The following CSGALNACT1 variants were observed in gnomAD, a reference collection of about 807,000 sequenced individuals.
CSGALNACT1 encodes the protein beta4GalNAcT-1.
In CSGALNACT1, 52 loss-of-function variants were observed where a neutral mutation model predicts 51.0. The ratio of observed to expected loss-of-function variants is 1.02; its 90% confidence interval spans 0.82 to 1.29. CSGALNACT1 has a LOEUF of 1.29. CSGALNACT1 is among the 50% of genes most tolerant of loss of function. CSGALNACT1 has a pLI of 0.00. For missense variants in CSGALNACT1, 935 were observed against 679.2 expected, an observed-to-expected ratio of 1.38 and a Z score of -4.19; for synonymous variants, 341 against 254.4, an observed-to-expected ratio of 1.34 and a Z score of -3.24.
intron 4 of CSGALNACT1, among the ~76,000 whole-genome samples, chr8:19,478,270 C>A (rs1279297461): frequency 6.6e-6 from 1 of 151,868 alleles, no homozygotes; most frequent in South Asian, 2.1e-4. Flanking sequence ...AAAAATTGGC[C>A]GGGTGTGGTG....
chr8:19,592,549 T>G (rs185407189), intron 2 of CSGALNACT1, among the ~76,000 whole-genome samples: 1 of 152,284 alleles, frequency 6.6e-6, no homozygotes, highest in East Asian at 1.9e-4. Context: ...CCCAGGAGTT[T>G]GAGACCAGCG....
At chr8:19,669,938 C>A (rs1258515477) in intron 1 of CSGALNACT1, among the ~76,000 whole-genome samples, 1 of 152,194 alleles carries the variant, frequency 6.6e-6, no homozygotes, top group East Asian at 1.9e-4. Flanking sequence ...GTCCTGTGGA[C>A]AAACAACTCA....
At chr8:19,539,180 T>TTG (rs987022248) in intron 3 of CSGALNACT1, among the ~76,000 whole-genome samples, 1 of 151,714 alleles carries the variant, frequency 6.6e-6, no homozygotes, top group Non-Finnish European at 1.5e-5. Context: ...AGTCAGTGGG[T>TTG]TGTGTGTGTG....
chr8:19,448,076 T>C (rs547145927), intron 5 of CSGALNACT1, among the ~76,000 whole-genome samples: 4 of 152,144 alleles, frequency 2.6e-5, no homozygotes, highest in South Asian at 2.1e-4. Context: ...CCAGTGGAGG[T>C]TGAACTTAAC....
At chr8:19,749,356 T>TA (rs3832568) in intron 1 of CSGALNACT1, among the ~76,000 whole-genome samples, 26,382 of 148,430 alleles carry the variant, frequency 0.18, 2,427 homozygotes, top group African/African-American at 0.22. Flanking sequence ...TTTTTGGCTT[T>TA]AAAAAAAAAA....
At position 19,510,598 on chromosome 8, in the gene CSGALNACT1, A is replaced by C. The variant is rs113931866; in HGVS notation, c.-296-4468T>G. ...TGTAGAGGAACTAACGTCCTTTCAA[A>C]TAACTATAATCTGAGCCCCAAACAG... On this transcript the variant is annotated intron_variant, in intron 3 of 9. Coordinates refer to ENST00000454498, the Ensembl canonical transcript of CSGALNACT1. 4.1e-3 allele frequency among the ~76,000 whole-genome samples: 621 copies of C among 152,336 alleles called. 3 individuals carry two copies. The highest frequency in any genetic ancestry group is 0.014 in the African/African-American group (598 of 41,574).
Position 19,670,650 on chromosome 8 carries a change from C to CAAAAAA in CSGALNACT1, c.-544+11817_-544+11822dup, listed in dbSNP as rs752256046. ...AGAACTGATTATGCACTACTGAAGA[C>CAAAAAA]AAAAAAAAAAAAAAAAAAAAAAAGA... On this transcript the variant is annotated intron_variant, in intron 1 of 9. Transcript: ENST00000332246. Among the ~76,000 whole-genome samples, 559 of 92,800 alleles carry CAAAAAA rather than the reference C, an allele frequency of 6.0e-3. 8 individuals are homozygous for CAAAAAA. The highest frequency in any genetic ancestry group is 0.018 in the Middle Eastern group (2 of 110). 60.9% of individuals were successfully genotyped at this position (92,800 alleles called of 152,430 possible). A position where few individuals can be genotyped will look rare whatever the true frequency, so the allele number is the denominator to read the frequency against.
intron 3 of CSGALNACT1, among the ~76,000 whole-genome samples, chr8:19,553,218 C>T (rs2088660501): frequency 6.6e-6 from 1 of 151,906 alleles, no homozygotes; most frequent in African/African-American, 2.4e-5. Flanking sequence ...AAAAGAGATT[C>T]CCTAAACAAG....
At chr8:19,523,490 G>A (rs2081112048) in intron 3 of CSGALNACT1, among the ~76,000 whole-genome samples, 1 of 151,812 alleles carries the variant, frequency 6.6e-6, no homozygotes, top group South Asian at 2.1e-4. Context: ...GGTTGGTCTT[G>A]GACTCCTGGG....
chr8:19,662,223 C>G (rs1365416853), intron 1 of CSGALNACT1, among the ~76,000 whole-genome samples: 1 of 151,714 alleles, frequency 6.6e-6, no homozygotes, highest in African/African-American at 2.4e-5. Context: ...ATCTCCACTA[C>G]AAATACAAAA....
At chr8:19,579,329 T>C (rs2045034388) in intron 3 of CSGALNACT1, among the ~76,000 whole-genome samples, 1 of 152,234 alleles carries the variant, frequency 6.6e-6, no homozygotes, top group Admixed American at 6.5e-5. Context: ...ATGAACCAAC[T>C]TCTTGGCTGA....
rs560526528 is a variant in CSGALNACT1, at chr8:19,678,013, G to A, written c.-544+4460C>T. On this transcript the variant is annotated intron_variant, in intron 1 of 9. Coordinates refer to the CSGALNACT1 transcript ENST00000332246. Reference sequence around the variant, plus strand: ...CACCTATAATCCCAGCTACTTGGGAGGCTGACATGCTTGAGCCCAGGAGGT... The same window carrying A: ...CACCTATAATCCCAGCTACTTGGGAAGCTGACATGCTTGAGCCCAGGAGGT... Among the ~76,000 whole-genome samples, 4 of 152,172 alleles carry A rather than the reference G, an allele frequency of 2.6e-5. No homozygotes were observed. The South Asian group carries it at 8.3e-4, about 32-fold the overall frequency.
intron 4 of CSGALNACT1, among the ~76,000 whole-genome samples, chr8:19,481,570 T>G (rs1466526671): frequency 6.6e-6 from 1 of 152,070 alleles, no homozygotes; most frequent in Non-Finnish European, 1.5e-5. Context: ...GGGACACACT[T>G]AAGAACACCC....
chr8:19,569,872 A>AAATAGAAC (rs2154108047), intron 3 of CSGALNACT1, among the ~76,000 whole-genome samples: 1 of 152,356 alleles, frequency 6.6e-6, no homozygotes, highest in African/African-American at 2.4e-5. Flanking sequence ...CACAGCAACC[A>AAATAGAAC]AATAGAACAA....
upstream of CSGALNACT1, among the ~76,000 whole-genome samples, chr8:19,606,653 A>C (rs994509079): frequency 6.6e-6 from 1 of 152,232 alleles, no homozygotes; most frequent in African/African-American, 2.4e-5. Context: ...CAACGGAAAC[A>C]TATCTATTTT....
chr8:19,607,150 G>C (rs140831100), upstream of CSGALNACT1, among the ~76,000 whole-genome samples: 4,985 of 146,172 alleles, frequency 0.034, 286 homozygotes, highest in African/African-American at 0.12. Flanking sequence ...GCAAGACTCC[G>C]TCTCAAAAAA....
At chr8:19,548,721 A>G (rs1482797309) in intron 3 of CSGALNACT1, among the ~76,000 whole-genome samples, 1 of 152,174 alleles carries the variant, frequency 6.6e-6, no homozygotes, top group Admixed American at 6.5e-5. Context: ...TGCCCTCTCC[A>G]ACTTCCCTGA....
At chr8:19,475,983 C>T (rs905615835) in intron 4 of CSGALNACT1, among the ~76,000 whole-genome samples, 4 of 152,122 alleles carry the variant, frequency 2.6e-5, no homozygotes, top group East Asian at 3.9e-4. Context: ...GCCATGTCCA[C>T]GAGAAGCAAT....
At chr8:19,570,942 A>G (rs1163962038) in intron 3 of CSGALNACT1, among the ~76,000 whole-genome samples, 1 of 151,980 alleles carries the variant, frequency 6.6e-6, no homozygotes, top group Admixed American at 6.6e-5. Flanking sequence ...AAAACAACAA[A>G]CAACAACAAC....
Sources: gnomAD v4.1 joint callset for allele counts (sites outside exome capture counted in the v4.1 genomes callset) on GRCh38, gnomAD v4.1.1 for gene constraint, MANE v1.5 for transcripts, NCBI Gene and HGNC (gene_info 2026-07-23, HGNC 2026-07-21) for gene names.